Variants in KCNN2 observed in about 807,000 individuals in gnomAD.
KCNN2 encodes the protein small conductance calcium-activated potassium channel protein 2.
Under a neutral mutation model 55.5 loss-of-function variants are expected in KCNN2, and 24 were observed. The observed-to-expected ratio is 0.43, with a 90% CI of 0.31 to 0.61. The LOEUF (loss-of-function observed/expected upper bound fraction) is 0.61. Ranked by LOEUF, KCNN2 falls within the 20% of genes least tolerant of loss-of-function variation. The pLI is 0.08. For synonymous variants in KCNN2, 431 were observed against 336.1 expected (o/e 1.28, Z -3.09); for missense variants, 754 against 853.6 (o/e 0.88, Z 1.45).
chr5:114,172,644 A>G (rs950087430), intron 1 of KCNN2, among the ~76,000 whole-genome samples: 5 of 148,464 alleles, frequency 3.4e-5, no homozygotes, highest in Non-Finnish European at 6.0e-5. Flanking sequence ...ATATTATAAT[A>G]TATAATATAT....
At chr5:114,432,805 A>G (rs1444807560) in intron 3 of KCNN2, among the ~76,000 whole-genome samples, 2 of 152,204 alleles carry the variant, frequency 1.3e-5, no homozygotes, top group Non-Finnish European at 2.9e-5. Context: ...GGCCCGGGCA[A>G]TGAGGGGCTT....
chr5:114,090,429 C>T (rs1308611185), intron 1 of KCNN2, among the ~76,000 whole-genome samples: 2 of 151,966 alleles, frequency 1.3e-5, no homozygotes, highest in East Asian at 3.9e-4. Context: ...AAATAATCAT[C>T]TTAAATTGGA....
intron 2 of KCNN2, among the ~76,000 whole-genome samples, chr5:114,366,123 T>A (rs1320243119): frequency 6.6e-6 from 1 of 152,240 alleles, no homozygotes; most frequent in African/African-American, 2.4e-5. Context: ...TTTTATAGAT[T>A]AATGCTTGAA....
chr5:114,155,817 G>A (rs534598927), intron 1 of KCNN2, among the ~76,000 whole-genome samples: 8 of 152,070 alleles, frequency 5.3e-5, no homozygotes, highest in South Asian at 4.1e-4. Context: ...AAATTTTCTC[G>A]CATCCTGTAG....
chr5:114,227,853 T>G (rs1260943199), intron 2 of KCNN2, among the ~76,000 whole-genome samples: 1 of 152,060 alleles, frequency 6.6e-6, no homozygotes, highest in East Asian at 1.9e-4. Flanking sequence ...AAGGTAAACA[T>G]GAAGAGTATA....
chr5:114,465,563 G>C lies in KCNN2; in HGVS notation c.1779+2373G>C, dbSNP rs189468764. ...GGAGGCGGAGGTTGCAGTGAGCCGA[G>C]ATTGCGCCATGGCACTCTAGCCTGG... is the stretch of plus-strand genomic sequence containing the variant. On this transcript the variant is annotated intron_variant, in intron 4 of 7. Transcript: ENST00000673685. Among the ~76,000 whole-genome samples the C allele has an allele frequency of 3.0e-4, 45 of 151,230 alleles. No individual in the cohort carries two copies. In the South Asian group the frequency reaches 3.1e-3, roughly 10 times the overall value.
rs563289249 is a variant in KCNN2, at chr5:114,373,388, T to C, written c.1218+9387T>C. On this transcript the variant is annotated intron_variant, in intron 2 of 7. Transcript: ENST00000673685. ...CTCCAAATACTCCCAATTGTTTTCA[T>C]TATAGGAAGCTTTAAAAGTGTGATT... 1.1e-3 allele frequency among the ~76,000 whole-genome samples: 173 copies of C among 151,754 alleles called. No individual in the cohort carries two copies. In the Middle Eastern group the frequency reaches 0.017, roughly 15 times the overall value.
intron 2 of KCNN2, among the ~76,000 whole-genome samples, chr5:114,294,515 C>G (rs1755966445): frequency 6.6e-6 from 1 of 152,138 alleles, no homozygotes; most frequent in Non-Finnish European, 1.5e-5. Context: ...GAGTGAGTTT[C>G]TTAATTCTGA....
intron 2 of KCNN2, among the ~76,000 whole-genome samples, chr5:114,325,637 AC>A (rs1316660861): frequency 2.0e-5 from 3 of 152,206 alleles, no homozygotes; most frequent in Non-Finnish European, 4.4e-5. Context: ...TCTTGGAAAG[AC>A]CTGTGGACAA....
chr5:114,479,805 C>A (rs1448348584), intron 5 of KCNN2, among the ~76,000 whole-genome samples: 1 of 152,046 alleles, frequency 6.6e-6, no homozygotes, highest in African/African-American at 2.4e-5. Context: ...GAAATTAAGG[C>A]AGAAATCAAG....
chr5:114,274,239 G>C (rs1254037923), intron 2 of KCNN2, among the ~76,000 whole-genome samples: 1 of 27,692 alleles, frequency 3.6e-5, no homozygotes, highest in Non-Finnish European at 1.1e-4. Flanking sequence ...TTTGGTTACT[G>C]TAGCCTTGTA....
At chr5:114,172,621 A>T (rs916010229) in intron 1 of KCNN2, among the ~76,000 whole-genome samples, 2 of 148,294 alleles carry the variant, frequency 1.3e-5, no homozygotes, top group East Asian at 1.9e-4. Context: ...TTTATATAAC[A>T]TATATATCCC....
intron 2 of KCNN2, among the ~76,000 whole-genome samples, chr5:114,288,804 C>A (rs77888634): frequency 6.6e-6 from 1 of 152,016 alleles, no homozygotes; most frequent in Non-Finnish European, 1.5e-5. Flanking sequence ...TTCACGCATC[C>A]TGTAGGTTGT....
chr5:114,151,340 G>A (rs963999759), intron 1 of KCNN2, among the ~76,000 whole-genome samples: 5 of 152,022 alleles, frequency 3.3e-5, no homozygotes, highest in African/African-American at 1.2e-4. Flanking sequence ...CAGGGCTCAG[G>A]TACCCCCAGC....
At position 114,282,419 on chromosome 5, in the gene KCNN2, T is replaced by C. The variant is rs200699426; in HGVS notation, c.-185+60854T>C. Among the ~76,000 whole-genome samples the C allele has an allele frequency of 5.3e-5, 8 of 152,280 alleles. No individual in the cohort carries two copies. The East Asian group carries it at 1.5e-3, about 29-fold the overall frequency. On this transcript the variant is annotated intron_variant, in intron 2 of 10. Transcript: ENST00000512097. ...AAAGATCACATTTTATTTCTATTTATAATCAAGCTAGACATTATGAATGTC... is the reference window on the plus strand; with the variant it reads ...AAAGATCACATTTTATTTCTATTTACAATCAAGCTAGACATTATGAATGTC...
At chr5:114,206,144 T>C (rs1356673174) in intron 1 of KCNN2, among the ~76,000 whole-genome samples, 1 of 152,206 alleles carries the variant, frequency 6.6e-6, no homozygotes, top group African/African-American at 2.4e-5. Flanking sequence ...TTTTACAAAG[T>C]AAAATATGTC....
intron 1 of KCNN2, among the ~76,000 whole-genome samples, chr5:114,149,173 T>A (rs1416101050): frequency 6.6e-6 from 1 of 152,084 alleles, no homozygotes; most frequent in African/African-American, 2.4e-5. Flanking sequence ...AGCCTGGTGT[T>A]TAGAATGTGA....
chr5:114,416,445 CT>C (rs1759308428), intron 3 of KCNN2, among the ~76,000 whole-genome samples: 1 of 152,146 alleles, frequency 6.6e-6, no homozygotes, highest in Non-Finnish European at 1.5e-5. Flanking sequence ...ACAGTCATGA[CT>C]TTGGAAGGAT....
At chr5:114,278,229 A>G (rs568042625) in intron 2 of KCNN2, among the ~76,000 whole-genome samples, 1 of 152,274 alleles carries the variant, frequency 6.6e-6, no homozygotes, top group East Asian at 1.9e-4. Context: ...GCTTCATCCC[A>G]GAGGGACACC....
Sources: gnomAD v4.1 joint callset for allele counts (sites outside exome capture counted in the v4.1 genomes callset) on GRCh38, gnomAD v4.1.1 for gene constraint, MANE v1.5 for transcripts, NCBI Gene and HGNC (gene_info 2026-07-23, HGNC 2026-07-21) for gene names.